HS6ST3: variants seen among roughly 807,000 people sequenced by gnomAD.
HS6ST3 encodes the protein heparan-sulfate 6-O-sulfotransferase 3.
A neutral mutation model predicts 36.7 loss-of-function variants in HS6ST3; 12 were observed. The observed-to-expected ratio is 0.33, with a 90% CI of 0.21 to 0.53. The LOEUF (loss-of-function observed/expected upper bound fraction) is 0.53, where lower values mean the gene tolerates loss of function less well. HS6ST3 is among the 20% of genes least tolerant of loss of function. The pLI is 0.95. For missense variants in HS6ST3, 584 were observed against 640.9 expected, an observed-to-expected ratio of 0.91 and a Z score of 0.96; for synonymous variants, 240 against 257.5, an observed-to-expected ratio of 0.93 and a Z score of 0.65.
intron 1 of HS6ST3, among the ~76,000 whole-genome samples, chr13:96,720,129 A>C (rs539613514): frequency 5.6e-4 from 86 of 152,258 alleles, no homozygotes; most frequent in Non-Finnish European, 1.1e-3. Flanking sequence ...GTAATTAAAC[A>C]CGTCACTCTG....
chr13:96,364,212 A>G (rs1170371169), intron 1 of HS6ST3, among the ~76,000 whole-genome samples: 2 of 152,182 alleles, frequency 1.3e-5, no homozygotes, highest in African/African-American at 4.8e-5. Context: ...CACCATGGAA[A>G]ACAGTTTGAT....
chr13:96,431,407 C>T (rs2055615300), intron 1 of HS6ST3, among the ~76,000 whole-genome samples: 1 of 152,140 alleles, frequency 6.6e-6, no homozygotes, highest in African/African-American at 2.4e-5. Flanking sequence ...ATGTCCAATC[C>T]CTTCAGATCT....
At chr13:96,161,267 A>G (rs1415971239) in intron 1 of HS6ST3, among the ~76,000 whole-genome samples, 2 of 152,196 alleles carry the variant, frequency 1.3e-5, no homozygotes, top group African/African-American at 4.8e-5. Context: ...GACCTTATAG[A>G]GGCCCAGTTA....
At chr13:96,359,319 G>T (rs1356744909) in intron 1 of HS6ST3, among the ~76,000 whole-genome samples, 1 of 152,084 alleles carries the variant, frequency 6.6e-6, no homozygotes, top group African/African-American at 2.4e-5. Flanking sequence ...GTACTCCACA[G>T]TTGACTGACT....
At chr13:96,414,745 G>A (rs1455479297) in intron 1 of HS6ST3, among the ~76,000 whole-genome samples, 1 of 152,190 alleles carries the variant, frequency 6.6e-6, no homozygotes, top group Non-Finnish European at 1.5e-5. Context: ...GCCTCCCAAA[G>A]TGCAGGGATT....
chr13:96,158,482 C>T (rs376473235), intron 1 of HS6ST3, among the ~76,000 whole-genome samples: 1 of 151,552 alleles, frequency 6.6e-6, no homozygotes, highest in East Asian at 2.0e-4. Flanking sequence ...GAAACCCTGT[C>T]TTTATTAAAA....
Position 96,835,604 on chromosome 13 carries a change from G to GACACACACACACACACACACACACACAC in HS6ST3, c.*2410_*2437dup, listed in dbSNP as rs113563720. On this transcript the variant is annotated 3_prime_UTR_variant, in exon 2 of 2. Transcript: ENST00000376705. ...AAATTATCCTTCTGCCTGCCCCTGTGACACACACACACACACACACACACA... is the reference window on the plus strand; with the variant it reads ...AAATTATCCTTCTGCCTGCCCCTGTGACACACACACACACACACACACACACACACACACACACACACACACACACACA... 1 of 148,556 alleles carries GACACACACACACACACACACACACACAC rather than the reference G, an allele frequency of 6.7e-6. No individual in the cohort carries two copies. Among genetic ancestry groups the GACACACACACACACACACACACACACAC allele is most frequent in the African/African-American group, 2.5e-5 (1 of 39,904 alleles). The allele number at this position is 148,556 out of a possible 1,614,324, so 9.2% of individuals were successfully genotyped here. A position where few individuals can be genotyped will look rare whatever the true frequency, so the allele number is the denominator to read the frequency against.
At chr13:96,388,794 G>A (rs1006332767) in intron 1 of HS6ST3, among the ~76,000 whole-genome samples, 5 of 152,070 alleles carry the variant, frequency 3.3e-5, no homozygotes, top group East Asian at 1.9e-4. Flanking sequence ...TTTTATAAGC[G>A]TCTGGCATTT....
chr13:96,154,208 G>A (rs1201974671), intron 1 of HS6ST3, among the ~76,000 whole-genome samples: 1 of 152,072 alleles, frequency 6.6e-6, no homozygotes, highest in East Asian at 1.9e-4. Flanking sequence ...TAGAGTGGCA[G>A]ACTCATCAGT....
chr13:96,622,595 C>T (rs1243741015), intron 1 of HS6ST3, among the ~76,000 whole-genome samples: 2 of 117,766 alleles, frequency 1.7e-5, no homozygotes, highest in Non-Finnish European at 3.5e-5. Context: ...TTTGATCAAA[C>T]AGCTTTTAAA....
intron 1 of HS6ST3, among the ~76,000 whole-genome samples, chr13:96,683,531 C>T (rs1382197076): frequency 3.3e-5 from 5 of 152,082 alleles, no homozygotes; most frequent in Non-Finnish European, 7.4e-5. Flanking sequence ...TTTGGCACTT[C>T]GTCTCAGGCA....
At chr13:96,343,146 C>CT (rs1421916539) in intron 1 of HS6ST3, among the ~76,000 whole-genome samples, 2 of 152,222 alleles carry the variant, frequency 1.3e-5, no homozygotes, top group African/African-American at 2.4e-5. Flanking sequence ...TGCCAGAGCA[C>CT]TTGCTATCTT....
Position 96,450,692 on chromosome 13 carries a change from A to C in HS6ST3, c.707+359123A>C, listed in dbSNP as rs553297057. 4.6e-5 allele frequency among the ~76,000 whole-genome samples: 7 copies of C among 152,362 alleles called. No individual in the cohort carries two copies. In the East Asian group the frequency reaches 1.3e-3, roughly 29 times the overall value. ...GCCTATAGAAACTGTGCCTATGATTAATAAGCAATTATGCTGTAGCAATAT... is the reference window on the plus strand; with the variant it reads ...GCCTATAGAAACTGTGCCTATGATTCATAAGCAATTATGCTGTAGCAATAT... On this transcript the variant is annotated intron_variant, in intron 1 of 1. Transcript: ENST00000376705.
intron 1 of HS6ST3, among the ~76,000 whole-genome samples, chr13:96,598,371 T>G (rs2056409629): frequency 6.6e-6 from 1 of 152,152 alleles, no homozygotes; most frequent in Non-Finnish European, 1.5e-5. Context: ...TATTTCTCCT[T>G]GTAGTGATCT....
At chr13:96,267,076 G>A (rs1337076529) in intron 1 of HS6ST3, among the ~76,000 whole-genome samples, 3 of 152,196 alleles carry the variant, frequency 2.0e-5, no homozygotes, top group Non-Finnish European at 4.4e-5. Context: ...CTGGTCTCAT[G>A]ATAGTGAATA....
At chr13:96,311,429 G>A (rs1465720822) in intron 1 of HS6ST3, among the ~76,000 whole-genome samples, 2 of 152,108 alleles carry the variant, frequency 1.3e-5, no homozygotes, top group African/African-American at 4.8e-5. Flanking sequence ...GCTGGTGGGC[G>A]CTTTCCAGAA....
chr13:96,696,504 A>G (rs1875131777), intron 1 of HS6ST3, among the ~76,000 whole-genome samples: 1 of 152,208 alleles, frequency 6.6e-6, no homozygotes, highest in Non-Finnish European at 1.5e-5. Flanking sequence ...CTGGAGAGAA[A>G]GAAGTCCCAA....
chr13:96,662,649 T>G (rs148495999), intron 1 of HS6ST3, among the ~76,000 whole-genome samples: 92 of 152,262 alleles, frequency 6.0e-4, no homozygotes, highest in African/African-American at 2.2e-3. Flanking sequence ...TAGGATCCAT[T>G]GCTAGAGTGC....
intron 1 of HS6ST3, among the ~76,000 whole-genome samples, chr13:96,747,871 A>G (rs1352816666): frequency 6.6e-6 from 1 of 152,084 alleles, no homozygotes; most frequent in African/African-American, 2.4e-5. Context: ...ATGCATTCCC[A>G]TATGAAAGTC....
Sources: allele counts gnomAD v4.1 joint callset (sites outside exome capture counted in the v4.1 genomes callset), GRCh38; gene constraint gnomAD v4.1.1; transcripts MANE v1.5; gene names NCBI Gene and HGNC (gene_info 2026-07-23, HGNC 2026-07-21).